Variants in PIK3R3 observed in about 807,000 individuals in gnomAD.
PIK3R3 encodes the protein phosphoinositide-3-kinase regulatory subunit 3.
In PIK3R3, 64 loss-of-function variants were observed where a neutral mutation model predicts 62.9. The ratio of observed to expected loss-of-function variants is 1.02; its 90% CI spans 0.83 to 1.25. PIK3R3 has a LOEUF of 1.25. Among genes scored for constraint, PIK3R3 ranks in the 50% most tolerant of loss-of-function variants. The probability of loss-of-function intolerance (pLI) is 0.00; values close to 1 mark genes in which losing one functional copy is unlikely to be tolerated. For missense variants in PIK3R3, 614 were observed against 561.6 expected (o/e 1.09, Z -0.94); for synonymous variants, 165 against 189.0 (o/e 0.87, Z 1.04).
In PIK3R3 at chr1:46,071,751, A is replaced by AGCGAGCGAGC. The variant is rs1200232375; in HGVS notation, c.315-4661_315-4660insGCTCGCTCGC. Among the ~76,000 whole-genome samples the AGCGAGCGAGC allele has an allele frequency of 2.4e-4, 31 of 130,432 alleles. 1 individual carries two copies. Among genetic ancestry groups the AGCGAGCGAGC allele is most frequent in the African/African-American group, 8.9e-4 (31 of 34,840 alleles). 85.6% of individuals were successfully genotyped at this position (130,432 alleles called of 152,430 possible). A position where few individuals can be genotyped will look rare whatever the true frequency, so the allele number is the denominator to read the frequency against. ...TATATAGAGAGAGAGAGAGAGAGAG[A>AGCGAGCGAGC]GAGAGAGAGCGCGCGCCTGATCACA... On this transcript the variant is annotated intron_variant, in intron 3 of 9. Transcript: ENST00000262741.
chr1:46,088,728 A>G (rs751050526), intron 1 of PIK3R3, among the ~76,000 whole-genome samples: 21 of 152,064 alleles, frequency 1.4e-4, no homozygotes, highest in Admixed American at 2.0e-4. Flanking sequence ...ATAAGAAAAA[A>G]TTTTCAGAAC....
At chr1:46,095,103 T>C (rs1384695532) in intron 1 of PIK3R3, among the ~76,000 whole-genome samples, 1 of 152,182 alleles carries the variant, frequency 6.6e-6, no homozygotes, top group African/African-American at 2.4e-5. Flanking sequence ...GCAGAAATAC[T>C]ATTTGACCCA....
intron 1 of PIK3R3, among the ~76,000 whole-genome samples, chr1:46,117,481 T>C (rs1437965720): frequency 6.6e-6 from 1 of 152,086 alleles, no homozygotes; most frequent in Non-Finnish European, 1.5e-5. Context: ...AACTAATGTT[T>C]ATTTAAAAAG....
In PIK3R3 at chr1:46,132,245, A is replaced by G; in HGVS notation, c.-293T>C. The G allele has an allele frequency of 8.6e-7, 1 of 1,157,000 alleles. No homozygotes were observed. The highest frequency in any genetic ancestry group is 1.1e-6 in the Non-Finnish European group (1 of 933,504). The allele number at this position is 1,157,000 out of a possible 1,614,324, so 71.7% of individuals were successfully genotyped here. A position where few individuals can be genotyped will look rare whatever the true frequency, so the allele number is the denominator to read the frequency against. Reference sequence around the variant, plus strand: ...GGTGTTAAAAAGCGGCTTCCCAAAAATCCTTTCTACACAGTCGCTCTCCGG... The same window carrying G: ...GGTGTTAAAAAGCGGCTTCCCAAAAGTCCTTTCTACACAGTCGCTCTCCGG... On this transcript the variant is annotated 5_prime_UTR_variant, in exon 1 of 10. Coordinates refer to ENST00000262741, the MANE Select transcript of PIK3R3 (RefSeq NM_003629.4).
chr1:46,140,689 G>C, the PIK3R3 span, among the ~76,000 whole-genome samples: 1 of 152,132 alleles, frequency 6.6e-6, no homozygotes, highest in Non-Finnish European at 1.5e-5. Context: ...ACTAAGAATT[G>C]CTTGCAACCC....
intron 6 of PIK3R3, among the ~76,000 whole-genome samples, chr1:46,058,987 C>T (rs927268188): frequency 5.9e-5 from 9 of 152,210 alleles, no homozygotes; most frequent in African/African-American, 2.2e-4. Context: ...TCCCATAATT[C>T]CCACATGCTG....
At chr1:46,105,791 G>A (rs1653147249) in intron 1 of PIK3R3, among the ~76,000 whole-genome samples, 1 of 152,034 alleles carries the variant, frequency 6.6e-6, no homozygotes, top group Non-Finnish European at 1.5e-5. Flanking sequence ...GTTGCAGTGA[G>A]CCAAGATTGC....
chr1:46,050,504 G>A (rs1416311299), intron 7 of PIK3R3, among the ~76,000 whole-genome samples: 7 of 152,090 alleles, frequency 4.6e-5, no homozygotes, highest in African/African-American at 1.7e-4. Context: ...GGCAGAGGTT[G>A]CAGTGAGCCA....
intron 3 of PIK3R3, among the ~76,000 whole-genome samples, chr1:46,071,114 T>C (rs1350325356): frequency 6.6e-6 from 1 of 152,016 alleles, no homozygotes; most frequent in East Asian, 1.9e-4. Flanking sequence ...TCTCCCTCAC[T>C]CTCTCCCTTC....
At chr1:46,064,693 AAAG>A (rs1253260391) in intron 5 of PIK3R3, among the ~76,000 whole-genome samples, 1 of 152,200 alleles carries the variant, frequency 6.6e-6, no homozygotes, top group Admixed American at 6.5e-5. Context: ...ACAAGGGGCA[AAAG>A]AAGAAATCAC....
At chr1:46,060,356 G>A (rs1447242121) in intron 6 of PIK3R3, among the ~76,000 whole-genome samples, 2 of 151,940 alleles carry the variant, frequency 1.3e-5, no homozygotes, top group Non-Finnish European at 2.9e-5. Flanking sequence ...CGGGCATGGT[G>A]GGGGGTGCCT....
At chr1:46,080,777 T>C (rs770671330) in intron 1 of PIK3R3, 27 bp from the exon 2 acceptor site, 1 of 1,407,444 alleles carries the variant, frequency 7.1e-7, no homozygotes, top group South Asian at 1.2e-5. Context: ...TATTACTCTG[T>C]AGATGTAAAT....
chr1:46,080,093 A>T (rs1468599242), intron 2 of PIK3R3, among the ~76,000 whole-genome samples: 6 of 145,492 alleles, frequency 4.1e-5, no homozygotes, highest in Non-Finnish European at 6.0e-5. Flanking sequence ...ACAGAGTCTC[A>T]CTCTGTCGCC....
At chr1:46,124,728 G>A (rs1428981851) in intron 1 of PIK3R3, among the ~76,000 whole-genome samples, 3 of 151,160 alleles carry the variant, frequency 2.0e-5, no homozygotes, top group Non-Finnish European at 4.4e-5. Flanking sequence ...CCCAGGAGGC[G>A]GAGGTTGCGG....
chr1:46,163,813 T>C, the PIK3R3 span, among the ~76,000 whole-genome samples: 1 of 152,186 alleles, frequency 6.6e-6, no homozygotes, highest in Non-Finnish European at 1.5e-5. Flanking sequence ...GAGCCTCAGT[T>C]TCCTCAGCTG....
In PIK3R3 at chr1:46,041,406, G is replaced by A. The variant is rs1390095665; in HGVS notation, c.*2267C>T. 2 of 172,946 alleles carry A rather than the reference G, an allele frequency of 1.2e-5. No homozygotes were observed. Among genetic ancestry groups the A allele is most frequent in the East Asian group, 2.1e-4 (2 of 9,588 alleles). 10.7% of individuals were successfully genotyped at this position (172,946 alleles called of 1,614,324 possible). ...TGAAGGAATGTAGGACTGAAAAAAAGCAGCCCTTCTCCACAAGCCAGCCCA... is the reference window on the plus strand; with the variant it reads ...TGAAGGAATGTAGGACTGAAAAAAAACAGCCCTTCTCCACAAGCCAGCCCA... On this transcript the variant is annotated 3_prime_UTR_variant, in exon 10 of 10. Coordinates refer to ENST00000262741, the MANE Select transcript of PIK3R3 (RefSeq NM_003629.4).
intron 1 of PIK3R3, among the ~76,000 whole-genome samples, chr1:46,098,803 C>G (rs796773): frequency 4.6e-5 from 7 of 152,012 alleles, no homozygotes; most frequent in Non-Finnish European, 2.9e-5. Flanking sequence ...TGAGTTCAAG[C>G]GATCCTCCCA....
At chr1:46,165,950 T>C in the PIK3R3 span, among the ~76,000 whole-genome samples, 1 of 151,430 alleles carries the variant, frequency 6.6e-6, no homozygotes, top group Admixed American at 6.6e-5. Context: ...TTTTGTATTT[T>C]TTTTAGTAGA....
upstream of PIK3R3, among the ~76,000 whole-genome samples, chr1:46,136,092 A>G (rs1322664500): frequency 7.0e-6 from 1 of 142,302 alleles, no homozygotes; most frequent in East Asian, 2.0e-4. Flanking sequence ...TTTTTTGATC[A>G]CTAGCATTAG....
Sources: allele counts gnomAD v4.1 joint callset (sites outside exome capture counted in the v4.1 genomes callset), GRCh38; gene constraint gnomAD v4.1.1; transcripts MANE v1.5; gene names NCBI Gene and HGNC (gene_info 2026-07-23, HGNC 2026-07-21).